Variants in ASNS observed in about 807,000 individuals in gnomAD.
ASNS encodes asparagine synthetase (glutamine-hydrolyzing).
Under a neutral mutation model 62.6 loss-of-function variants are expected in ASNS, and 37 were observed. The observed-to-expected ratio is 0.59, with a 90% CI of 0.45 to 0.78. The LOEUF is 0.78. Ranked by LOEUF, ASNS falls within the 30% of genes least tolerant of loss-of-function variation. The pLI is 0.00. For missense variants in ASNS, 520 were observed against 682.4 expected (o/e 0.76, Z 2.65); for synonymous variants, 207 against 237.9 (o/e 0.87, Z 1.19).
intron 3 of ASNS, among the ~76,000 whole-genome samples, chr7:97,868,298 A>T (rs1341772790): frequency 7.2e-5 from 11 of 152,086 alleles, no homozygotes; most frequent in African/African-American, 2.4e-4. Context: ...ACAGAATGAG[A>T]CTCTGTCTCA....
At chr7:97,858,501 G>C in intron 6 of ASNS, 96 bp from the exon 7 acceptor site, 1 of 1,459,484 alleles carries the variant, frequency 6.9e-7, no homozygotes, top group Non-Finnish European at 9.3e-7. Flanking sequence ...CAAGATCATA[G>C]TTTTACTATT....
At chr7:97,904,093 T>C in the ASNS span, among the ~76,000 whole-genome samples, 95 of 152,186 alleles carry the variant, frequency 6.2e-4, no homozygotes, top group African/African-American at 2.2e-3. Context: ...AAGCTTCTAT[T>C]AAGGGGTGTT....
chr7:97,868,983 T>C lies in ASNS; in HGVS notation c.174A>G (p.Gly58=), dbSNP rs2115753775. Residue 58 remains glycine, a synonymous_variant, in exon 3 of 13, where the codon GGA becomes GGG. Coordinates refer to ENST00000394308, the MANE Select transcript of ASNS (RefSeq NM_001673.5). ...ATTTCTTCACTCGAATTGGCTGCAT[T>C]CCAAACAGCGGGTCAACTACCGCCA... ...HRLAVVDPLF[G]MQPIRVKKYP... is the part of the protein sequence containing the mutation. The C allele has an allele frequency of 6.2e-7, 1 of 1,614,200 alleles. No homozygotes were observed. The highest frequency in any genetic ancestry group is 8.5e-7 in the Non-Finnish European group (1 of 1,180,042).
chr7:97,896,741 C>CACACATATAT, the ASNS span, among the ~76,000 whole-genome samples: 37 of 19,776 alleles, frequency 1.9e-3, no homozygotes, highest in African/African-American at 3.7e-3. Flanking sequence ...CACACACACA[C>CACACATATAT]ATATATATAT....
intron 7 of ASNS, 75 bp downstream of exon 7, chr7:97,858,203 T>C: frequency 1.2e-5 from 19 of 1,556,990 alleles, no homozygotes; most frequent in Non-Finnish European, 1.5e-5. Context: ...GAATCACCCA[T>C]TATTGACTCC....
the ASNS span, among the ~76,000 whole-genome samples, chr7:97,884,514 A>G: frequency 6.6e-6 from 1 of 152,020 alleles, no homozygotes; most frequent in East Asian, 1.9e-4. Context: ...GCACCACTCC[A>G]CCCAAGCCTG....
chr7:97,861,023 C>CTTTT (rs71108240), intron 4 of ASNS, among the ~76,000 whole-genome samples: 8,926 of 120,532 alleles, frequency 0.074, 791 homozygotes, highest in African/African-American at 0.12. Context: ...TCATTTGATC[C>CTTTT]TTTTTTTTTT....
chr7:97,896,739 C>CATATATATATAT, the ASNS span, among the ~76,000 whole-genome samples: 208 of 31,904 alleles, frequency 6.5e-3, 2 homozygotes, highest in Middle Eastern at 0.026. Context: ...CACACACACA[C>CATATATATATAT]ACATATATAT....
chr7:97,878,507 A>G, the ASNS span, among the ~76,000 whole-genome samples: 28 of 152,204 alleles, frequency 1.8e-4, no homozygotes, highest in Non-Finnish European at 3.4e-4. Context: ...CCAATAACAA[A>G]CAGAGAGCCA....
chr7:97,927,183 G>A, the ASNS span, among the ~76,000 whole-genome samples: 1 of 145,190 alleles, frequency 6.9e-6, no homozygotes, highest in East Asian at 2.1e-4. Context: ...GCCTCTCAAA[G>A]TGCTGGGATT....
the ASNS span, among the ~76,000 whole-genome samples, chr7:97,904,588 C>A: frequency 6.6e-6 from 1 of 152,060 alleles, no homozygotes; most frequent in African/African-American, 2.4e-5. Context: ...ATGCTCCAGG[C>A]TAGAAGTCTA....
chr7:97,910,207 C>A, the ASNS span, among the ~76,000 whole-genome samples: 1 of 152,098 alleles, frequency 6.6e-6, no homozygotes, highest in African/African-American at 2.4e-5. Context: ...CTAGCTGAGC[C>A]CCTAATCATC....
chr7:97,878,182 G>A, the ASNS span, among the ~76,000 whole-genome samples: 5 of 152,166 alleles, frequency 3.3e-5, no homozygotes, highest in Admixed American at 6.5e-5. Flanking sequence ...TCAAGAGATC[G>A]AGACTATCCT....
In ASNS at chr7:97,872,312, G is replaced by GCGCGGGGCGCAGGA. The variant is rs1237061451; in HGVS notation, c.-60+38_-60+39insTCCTGCGCCCCGCG. Reference sequence around the variant, plus strand: ...CCCAGGGCACGCGAGGAGGATGCTGGCGCGGGGCGCAGGGCACGGGGCGCA... The same window carrying GCGCGGGGCGCAGGA: ...CCCAGGGCACGCGAGGAGGATGCTGGCGCGGGGCGCAGGACGCGGGGCGCAGGGCACGGGGCGCA... On this transcript the variant is annotated intron_variant, in intron 1 of 12. Transcript: ENST00000394308. 3.3e-5 allele frequency: 5 copies of GCGCGGGGCGCAGGA among 153,426 alleles called. No individual in the cohort carries two copies. In the Admixed American group the frequency reaches 3.3e-4, roughly 10 times the overall value. The allele number at this position is 153,426 out of a possible 1,614,324, so 9.5% of individuals were successfully genotyped here.
rs1442490749 is a variant in ASNS, at chr7:97,854,691, A to G, written c.1138-11T>C. ...TTCAGGAGAAGGAGCCTATTTCACAAACAAAAACACCAAGAGTTTTGCTTT... is the reference window on the plus strand; with the variant it reads ...TTCAGGAGAAGGAGCCTATTTCACAGACAAAAACACCAAGAGTTTTGCTTT... On this transcript the variant is annotated splice_polypyrimidine_tract_variant and intron_variant, in intron 9 of 12. Coordinates refer to ENST00000394308, the MANE Select transcript of ASNS (RefSeq NM_001673.5). 2 of 1,613,878 alleles carry G rather than the reference A, an allele frequency of 1.2e-6. No individual in the cohort carries two copies. Among genetic ancestry groups the G allele is most frequent in the African/African-American group, 2.7e-5 (2 of 74,924 alleles).
chr7:97,919,111 C>G, the ASNS span, among the ~76,000 whole-genome samples: 2 of 152,040 alleles, frequency 1.3e-5, no homozygotes, highest in African/African-American at 4.8e-5. Flanking sequence ...ATTGCCCAGT[C>G]TGGAGTCCAG....
At chr7:97,880,502 G>A in the ASNS span, among the ~76,000 whole-genome samples, 4 of 152,140 alleles carry the variant, frequency 2.6e-5, no homozygotes, top group African/African-American at 7.2e-5. Flanking sequence ...AGGAAAGGGC[G>A]AACACAGGGG....
At chr7:97,883,972 A>G in the ASNS span, among the ~76,000 whole-genome samples, 1 of 136,610 alleles carries the variant, frequency 7.3e-6, no homozygotes, top group African/African-American at 2.9e-5. Flanking sequence ...TGGGCGACAG[A>G]GTGAGACTCC....
the ASNS span, among the ~76,000 whole-genome samples, chr7:97,911,936 C>A: frequency 6.6e-6 from 1 of 152,158 alleles, no homozygotes; most frequent in East Asian, 1.9e-4. Context: ...GAACTCACTG[C>A]CAGAGCCAGG....
Sources: gnomAD v4.1 joint callset for allele counts (sites outside exome capture counted in the v4.1 genomes callset) on GRCh38, gnomAD v4.1.1 for gene constraint, MANE v1.5 for transcripts, NCBI Gene and HGNC (gene_info 2026-07-23, HGNC 2026-07-21) for gene names.